Variants in PNPLA1 observed in about 807,000 individuals in gnomAD.
PNPLA1 encodes omega-hydroxyceramide transacylase.
Under a neutral mutation model 51.7 loss-of-function variants are expected in PNPLA1, and 36 were observed. That is an observed-to-expected ratio of 0.70 (90% CI 0.53 to 0.92). PNPLA1 has a LOEUF of 0.92. Ranked by LOEUF, PNPLA1 falls within the 40% of genes least tolerant of loss-of-function variation. PNPLA1 has a pLI of 0.00. For synonymous variants in PNPLA1, 293 were observed against 280.1 expected (o/e 1.05, Z -0.46); for missense variants, 658 against 682.5 (o/e 0.96, Z 0.40).
Position 36,293,119 on chromosome 6 carries a change from G to T in PNPLA1, c.497G>T (p.Arg166Leu), listed in dbSNP as rs376317666. Residue 166 changes from arginine (R) to leucine (L), a missense_variant, in exon 3 of 9, where the codon CGC becomes CTC. By Grantham distance (102) the Arg-to-Leu change is moderately radical. Transcript: ENST00000636260. ...VYCGLIPPTY[R>L]GVRYIDGGFT... is the part of the protein sequence containing the mutation. Reference sequence around the variant, plus strand: ...TGTGGCCTCATCCCCCCGACTTACCGCGGTGTGGTGAGTGCTTCGGCATGG... The same window carrying T: ...TGTGGCCTCATCCCCCCGACTTACCTCGGTGTGGTGAGTGCTTCGGCATGG... 6.2e-7 allele frequency: 1 copy of T among 1,613,834 alleles called. No individual in the cohort carries two copies. Among genetic ancestry groups the T allele is most frequent in the Non-Finnish European group, 8.5e-7 (1 of 1,179,840 alleles).
chr6:36,248,389 T>C (rs1162194814), intron 1 of PNPLA1, among the ~76,000 whole-genome samples: 1 of 152,124 alleles, frequency 6.6e-6, no homozygotes, highest in African/African-American at 2.4e-5. Flanking sequence ...TTCTATTTTA[T>C]TGAGACACAA....
At chr6:36,272,665 T>A (rs1052665483) in intron 1 of PNPLA1, among the ~76,000 whole-genome samples, 4 of 152,000 alleles carry the variant, frequency 2.6e-5, no homozygotes, top group African/African-American at 9.7e-5. Flanking sequence ...AGGGAAGAGA[T>A]TGGATTCAGG....
At chr6:36,279,270 A>G (rs1770205464) in intron 1 of PNPLA1, among the ~76,000 whole-genome samples, 1 of 152,198 alleles carries the variant, frequency 6.6e-6, no homozygotes, top group Admixed American at 6.5e-5. Context: ...AACTTCTCCC[A>G]TGGAGACAGA....
In PNPLA1 at chr6:36,306,330, G is replaced by C. The variant is rs750116578; in HGVS notation, c.1423G>C (p.Val475Leu). 9.9e-6 allele frequency: 16 copies of C among 1,612,444 alleles called. No individual in the cohort carries two copies. In the Admixed American group the frequency reaches 2.7e-4, roughly 27 times the overall value. ...LLVSSKPKSAVPLVHVKETVS... is the reference protein window; with the variant it reads ...LLVSSKPKSALPLVHVKETVS... Reference sequence around the variant, plus strand: ...TGTCTCTTCAAAACCAAAAAGCGCCGTGCCTCTGGTTCATGTGAAGGAAAC... The same window carrying C: ...TGTCTCTTCAAAACCAAAAAGCGCCCTGCCTCTGGTTCATGTGAAGGAAAC... Residue 475 changes from valine (V) to leucine (L), a missense_variant, in exon 7 of 9, where the codon GTG becomes CTG. By Grantham distance (32) the Val-to-Leu change is conservative. Transcript: ENST00000636260.
chr6:36,309,874 A>C (rs1771348637), intron 8 of PNPLA1, among the ~76,000 whole-genome samples: 1 of 152,122 alleles, frequency 6.6e-6, no homozygotes, highest in Non-Finnish European at 1.5e-5. Context: ...GAAGAGGAGA[A>C]ACCTGTTCAT....
intron 5 of PNPLA1, among the ~76,000 whole-genome samples, chr6:36,296,861 A>G (rs574406312): frequency 2.6e-5 from 4 of 152,112 alleles, no homozygotes; most frequent in African/African-American, 4.8e-5. Flanking sequence ...GGGGGTTTAG[A>G]TCCTAGCTCC....
In PNPLA1 at chr6:36,302,403, C is replaced by T. The variant is rs375447794; in HGVS notation, c.1318C>T (p.Arg440Ter). 7.9e-5 allele frequency: 125 copies of T among 1,583,554 alleles called. No individual in the cohort carries two copies. Among genetic ancestry groups the T allele is most frequent in the Non-Finnish European group, 1.1e-4 (123 of 1,163,392 alleles). The change falls in exon 6 of 9, where the codon CGA becomes TGA. Residue 440 changes from arginine (R) to a stop codon, truncating the protein, a stop_gained. Coordinates refer to ENST00000636260, the MANE Select transcript of PNPLA1 (RefSeq NM_001374623.1). LOFTEE classifies it high-confidence loss of function. ...TGTGGGGGCACCTCAAACACTGCCC[C>T]GAAGTTCTCTTTCAGCCTTCCCTGC... ...STVGAPQTLP[R>*]SSLSAFPAQP...
intron 4 of PNPLA1, 105 bp from the exon 5 acceptor site, chr6:36,295,259 C>T: frequency 2.6e-6 from 3 of 1,171,510 alleles, no homozygotes; most frequent in African/African-American, 1.5e-5. Flanking sequence ...AAAAGCCCAT[C>T]AAATAAAATT....
Position 36,301,904 on chromosome 6 carries a change from C to G in PNPLA1, c.819C>G (p.Pro273=). 1 of 1,614,170 alleles carries G rather than the reference C, an allele frequency of 6.2e-7. No individual in the cohort carries two copies. Residue 273 remains proline, a synonymous_variant, in exon 6 of 9, where the codon CCC becomes CCG. Transcript: ENST00000636260. ...CTTCCTCCAAGAGAGTGATTTTCCC[C>G]CGGGTGGAAGTGTACTGCCAGATAG... ...LNSSSKRVIF[P]RVEVYCQIEL...
intron 1 of PNPLA1, among the ~76,000 whole-genome samples, chr6:36,284,124 G>A (rs2127337242): frequency 6.6e-6 from 1 of 152,348 alleles, no homozygotes; most frequent in South Asian, 2.1e-4. Context: ...TCATAGTAGG[G>A]TGAGGGCTGA....
At position 36,313,331 on chromosome 6, in the gene PNPLA1, C is replaced by A. The variant is rs1217393407; in HGVS notation, c.*1445C>A. ...CCCCTCCTCCCCAGAGAGCAGACAA[C>A]CTCCAGGTCCCGCCAGGCCCAGCAA... On this transcript the variant is annotated 3_prime_UTR_variant, in exon 9 of 9. Transcript: ENST00000636260. Among the ~76,000 whole-genome samples, 1 of 152,184 alleles carries A rather than the reference C, an allele frequency of 6.6e-6. No individual in the cohort carries two copies. Among genetic ancestry groups the A allele is most frequent in the Non-Finnish European group, 1.5e-5 (1 of 68,034 alleles).
At chr6:36,309,288 C>G (rs1582110522) in intron 8 of PNPLA1, among the ~76,000 whole-genome samples, 1 of 152,120 alleles carries the variant, frequency 6.6e-6, no homozygotes, top group Non-Finnish European at 1.5e-5. Context: ...GCTCGAGGTC[C>G]CTGGGTTCAT....
At chr6:36,277,813 A>C (rs888382311) in intron 1 of PNPLA1, among the ~76,000 whole-genome samples, 2 of 152,222 alleles carry the variant, frequency 1.3e-5, no homozygotes, top group Non-Finnish European at 2.9e-5. Flanking sequence ...GCAGTGAACT[A>C]TGATTCTGCC....
At chr6:36,298,119 T>C (rs1770915638) in intron 5 of PNPLA1, among the ~76,000 whole-genome samples, 2 of 152,228 alleles carry the variant, frequency 1.3e-5, no homozygotes, top group East Asian at 1.9e-4. Flanking sequence ...TGTTGTTGAA[T>C]GTATAAATAG....
chr6:36,288,798 G>A (rs1430255180), intron 1 of PNPLA1, among the ~76,000 whole-genome samples: 1 of 152,124 alleles, frequency 6.6e-6, no homozygotes, highest in African/African-American at 2.4e-5. Context: ...TCAGCTGGGT[G>A]CGGTGGCACA....
chr6:36,261,005 G>A (rs1171862454), intron 1 of PNPLA1, among the ~76,000 whole-genome samples: 2 of 152,050 alleles, frequency 1.3e-5, no homozygotes, highest in South Asian at 2.1e-4. Flanking sequence ...TTGTGTGTGC[G>A]TTTTGTAGAG....
chr6:36,284,102 G>A (rs756328363), intron 1 of PNPLA1, among the ~76,000 whole-genome samples: 7 of 152,176 alleles, frequency 4.6e-5, no homozygotes, highest in Admixed American at 1.3e-4. Flanking sequence ...CCTGGATTCT[G>A]GGGGGAAAAG....
upstream of PNPLA1, among the ~76,000 whole-genome samples, chr6:36,269,332 C>T (rs115445683): frequency 0.013 from 1,940 of 152,238 alleles, 20 homozygotes; most frequent in South Asian, 0.021. Flanking sequence ...AACCACTCCT[C>T]CCCATCAGGA....
chr6:36,263,482 C>T (rs1334896444), intron 1 of PNPLA1, among the ~76,000 whole-genome samples: 2 of 152,180 alleles, frequency 1.3e-5, no homozygotes, highest in East Asian at 3.8e-4. Context: ...AGTGAGATAG[C>T]ATTTCATAGC....
Sources: allele counts gnomAD v4.1 joint callset (sites outside exome capture counted in the v4.1 genomes callset), GRCh38; gene constraint gnomAD v4.1.1; transcripts MANE v1.5; gene names NCBI Gene and HGNC (gene_info 2026-07-23, HGNC 2026-07-21).